LDB2: variants seen among roughly 807,000 people sequenced by gnomAD.
LDB2 encodes LIM domain binding 2.
LDB2 carries 12 observed loss-of-function variants against 44.3 expected under a neutral mutation model. The ratio of observed to expected loss-of-function variants is 0.27; its 90% confidence interval spans 0.17 to 0.44. The LOEUF (loss-of-function observed/expected upper bound fraction) is 0.44. Ranked by LOEUF, LDB2 falls within the 20% of genes least tolerant of loss-of-function variation. The probability of loss-of-function intolerance (pLI) is 1.00; values close to 1 mark genes in which losing one functional copy is unlikely to be tolerated. For synonymous variants in LDB2, 164 were observed against 174.8 expected (o/e 0.94, Z 0.49); for missense variants, 344 against 473.5 (o/e 0.73, Z 2.54).
At chr4:16,628,730 G>A (rs953635092) in intron 2 of LDB2, among the ~76,000 whole-genome samples, 2 of 152,120 alleles carry the variant, frequency 1.3e-5, no homozygotes, top group Admixed American at 1.3e-4. Flanking sequence ...TGAGGTACCT[G>A]GTTCATCTCA....
chr4:16,654,863 C>G (rs933450781), intron 2 of LDB2, among the ~76,000 whole-genome samples: 3 of 152,168 alleles, frequency 2.0e-5, no homozygotes, highest in African/African-American at 7.2e-5. Flanking sequence ...TTCACGTTAA[C>G]TTCCCTTCAA....
At chr4:16,552,442 A>G (rs1289128597) in intron 5 of LDB2, among the ~76,000 whole-genome samples, 1 of 152,192 alleles carries the variant, frequency 6.6e-6, no homozygotes, top group Non-Finnish European at 1.5e-5. Context: ...GCATTCAACC[A>G]TTGCAACTAC....
chr4:16,555,095 GTT>G (rs57066752), intron 5 of LDB2, among the ~76,000 whole-genome samples: 118,095 of 141,840 alleles, frequency 0.83, 49,540 homozygotes, highest in Non-Finnish European at 0.88. Context: ...ATATGGAGTG[GTT>G]TTTTTTTTTT....
At chr4:16,575,294 G>T (rs1342459702) in intron 5 of LDB2, among the ~76,000 whole-genome samples, 1 of 152,052 alleles carries the variant, frequency 6.6e-6, no homozygotes, top group Non-Finnish European at 1.5e-5. Context: ...AACACACAAA[G>T]AAAATATCTT....
chr4:16,527,501 C>T (rs898340346), intron 5 of LDB2, among the ~76,000 whole-genome samples: 4 of 152,100 alleles, frequency 2.6e-5, no homozygotes, highest in African/African-American at 9.7e-5. Context: ...CTAGTAAAAT[C>T]ACTATGGAAG....
intron 2 of LDB2, among the ~76,000 whole-genome samples, chr4:16,720,795 A>C (rs1306276473): frequency 6.6e-6 from 1 of 152,206 alleles, no homozygotes; most frequent in Non-Finnish European, 1.5e-5. Flanking sequence ...AGGAATTACC[A>C]TGTTGCAGCA....
chr4:16,804,922 C>A (rs1301488293), intron 1 of LDB2, among the ~76,000 whole-genome samples: 2 of 152,082 alleles, frequency 1.3e-5, no homozygotes, highest in African/African-American at 4.8e-5. Flanking sequence ...ATTCTGGATG[C>A]TGGAAATCCA....
chr4:16,731,296 T>A (rs1372810332), intron 2 of LDB2, among the ~76,000 whole-genome samples: 3 of 152,122 alleles, frequency 2.0e-5, no homozygotes, highest in Non-Finnish European at 4.4e-5. Flanking sequence ...TGTACAAACT[T>A]ATTCCGAAAT....
intron 1 of LDB2, among the ~76,000 whole-genome samples, chr4:16,814,018 C>CCCA (rs1780428863): frequency 6.6e-6 from 1 of 151,820 alleles, no homozygotes; most frequent in Admixed American, 6.6e-5. Flanking sequence ...ACTACAGGCG[C>CCCA]CCACCACCAC....
intron 5 of LDB2, among the ~76,000 whole-genome samples, chr4:16,558,373 A>G (rs979457063): frequency 2.0e-5 from 3 of 152,244 alleles, no homozygotes; most frequent in Non-Finnish European, 2.9e-5. Context: ...AAAGGAGCTG[A>G]TGGAGCCAAA....
intron 2 of LDB2, among the ~76,000 whole-genome samples, chr4:16,722,151 C>T (rs1309707096): frequency 6.6e-6 from 1 of 152,136 alleles, no homozygotes; most frequent in Non-Finnish European, 1.5e-5. Flanking sequence ...GTAGCAGCTA[C>T]TACTTCATGA....
intron 2 of LDB2, among the ~76,000 whole-genome samples, chr4:16,705,183 G>A (rs956118894): frequency 2.0e-5 from 3 of 152,108 alleles, no homozygotes; most frequent in Non-Finnish European, 4.4e-5. Flanking sequence ...ACAGTCGTGT[G>A]CCCTTCCTAC....
intron 1 of LDB2, among the ~76,000 whole-genome samples, chr4:16,771,197 C>A (rs1579510964): frequency 6.6e-6 from 1 of 152,028 alleles, no homozygotes; most frequent in South Asian, 2.1e-4. Context: ...CCACAGGAAA[C>A]CACTAGATAA....
At chr4:16,884,588 T>G (rs1185179203) in intron 1 of LDB2, among the ~76,000 whole-genome samples, 1 of 152,202 alleles carries the variant, frequency 6.6e-6, no homozygotes, top group African/African-American at 2.4e-5. Context: ...TCCACCACCC[T>G]TCTCTAATTG....
intron 1 of LDB2, among the ~76,000 whole-genome samples, chr4:16,795,490 C>T (rs1315096410): frequency 6.6e-6 from 1 of 152,052 alleles, no homozygotes; most frequent in East Asian, 1.9e-4. Flanking sequence ...ATCTTGAGGT[C>T]AACAGGAAAC....
intron 2 of LDB2, among the ~76,000 whole-genome samples, chr4:16,689,413 C>T (rs1199145528): frequency 6.6e-6 from 1 of 152,188 alleles, no homozygotes; most frequent in African/African-American, 2.4e-5. Flanking sequence ...TTCCAAATCT[C>T]TTTATGTAAA....
intron 5 of LDB2, among the ~76,000 whole-genome samples, chr4:16,519,175 A>ATAACT (rs1450843758): frequency 6.6e-6 from 1 of 152,186 alleles, no homozygotes; most frequent in Admixed American, 6.5e-5. Flanking sequence ...TTGTTGAGTC[A>ATAACT]TAACTTAATT....
At chr4:16,669,752 G>A (rs1011523109) in intron 2 of LDB2, among the ~76,000 whole-genome samples, 3 of 152,142 alleles carry the variant, frequency 2.0e-5, no homozygotes, top group Non-Finnish European at 4.4e-5. Flanking sequence ...TAAAACCTGG[G>A]CTTGTCCTGT....
At chr4:16,599,966 C>T (rs943407517) in intron 2 of LDB2, among the ~76,000 whole-genome samples, 4 of 152,200 alleles carry the variant, frequency 2.6e-5, no homozygotes, top group Admixed American at 6.5e-5. Flanking sequence ...ATGATGTGAT[C>T]GCTGATAAAG....
Sources: gnomAD v4.1 joint callset for allele counts (sites outside exome capture counted in the v4.1 genomes callset) on GRCh38, gnomAD v4.1.1 for gene constraint, MANE v1.5 for transcripts, NCBI Gene and HGNC (gene_info 2026-07-23, HGNC 2026-07-21) for gene names.